FAM117A: variants seen among roughly 807,000 people sequenced by gnomAD.
FAM117A encodes protein FAM117A.
FAM117A carries 21 observed loss-of-function variants against 44.1 expected under a neutral mutation model. The observed-to-expected ratio is 0.48, with a 90% confidence interval of 0.34 to 0.69. The LOEUF (loss-of-function observed/expected upper bound fraction) is 0.69, where lower values mean the gene tolerates loss of function less well. FAM117A is among the 30% of genes least tolerant of loss of function. The probability of loss-of-function intolerance (pLI) is 0.01; values close to 1 mark genes in which losing one functional copy is unlikely to be tolerated. For missense variants in FAM117A, 498 were observed against 589.9 expected, an observed-to-expected ratio of 0.84 and a Z score of 1.61; for synonymous variants, 220 against 238.3, an observed-to-expected ratio of 0.92 and a Z score of 0.71.
At chr17:49,719,483 C>A (rs968566411) in intron 5 of FAM117A, 1 of 302,216 alleles carries the variant, frequency 3.3e-6, no homozygotes, top group South Asian at 8.3e-5. Flanking sequence ...CTGAAGATGA[C>A]CCCTGTCTGT....
chr17:49,735,655 G>C (rs1199661528), intron 1 of FAM117A, among the ~76,000 whole-genome samples: 1 of 152,082 alleles, frequency 6.6e-6, no homozygotes, highest in Non-Finnish European at 1.5e-5. Context: ...TTTTGAGTCA[G>C]GGTCTCACTG....
chr17:49,775,620 C>A (rs2073773554), intron 1 of FAM117A, among the ~76,000 whole-genome samples: 4 of 152,164 alleles, frequency 2.6e-5, no homozygotes, highest in Admixed American at 6.5e-5. Context: ...TGGTTCAATG[C>A]CTCGAGGAGT....
intron 7 of FAM117A, among the ~76,000 whole-genome samples, chr17:49,714,295 C>T (rs995814722): frequency 2.6e-5 from 4 of 151,310 alleles, no homozygotes; most frequent in South Asian, 2.1e-4. Flanking sequence ...ATTTAAATCC[C>T]GGCATATCTT....
intron 1 of FAM117A, among the ~76,000 whole-genome samples, chr17:49,778,439 A>G (rs994220925): frequency 6.6e-6 from 1 of 152,200 alleles, no homozygotes; most frequent in Non-Finnish European, 1.5e-5. Context: ...TATCTCCTTT[A>G]TATTTTCATA....
intron 1 of FAM117A, among the ~76,000 whole-genome samples, chr17:49,758,555 C>A (rs771722582): frequency 1.4e-5 from 2 of 144,366 alleles, no homozygotes; most frequent in Non-Finnish European, 3.0e-5. Context: ...ACCTGGGAGG[C>A]GGAGGTTGCA....
chr17:49,749,345 G>C (rs2073666253), intron 1 of FAM117A, among the ~76,000 whole-genome samples: 1 of 151,990 alleles, frequency 6.6e-6, no homozygotes, highest in Non-Finnish European at 1.5e-5. Flanking sequence ...TGGGAGGCAA[G>C]GTGGGCGGAT....
At chr17:49,766,032 A>G (rs750893552), upstream of FAM117A, among the ~76,000 whole-genome samples, 47 of 152,184 alleles carry the variant, frequency 3.1e-4, no homozygotes, top group Non-Finnish European at 6.5e-4. Context: ...GGTAGCAACG[A>G]ATATTCATTG....
intron 1 of FAM117A, among the ~76,000 whole-genome samples, chr17:49,778,405 G>C (rs7209058): frequency 0.048 from 7,316 of 152,092 alleles, 477 homozygotes; most frequent in African/African-American, 0.15. Flanking sequence ...TTGACTTTTG[G>C]GATTTTGAAA....
intron 1 of FAM117A, among the ~76,000 whole-genome samples, chr17:49,751,950 A>C (rs1180786262): frequency 6.7e-6 from 1 of 149,814 alleles, no homozygotes; most frequent in Admixed American, 6.7e-5. Context: ...TCTCAAAAAA[A>C]AAAAAAAAAA....
chr17:49,764,222 C>G (rs2073736746), upstream of FAM117A: 9 of 434,544 alleles, frequency 2.1e-5, no homozygotes, highest in South Asian at 6.6e-4. Context: ...CTGCGGAAAC[C>G]CAGACCTTCC....
upstream of FAM117A, chr17:49,764,255 G>C (rs2073736915): frequency 5.1e-6 from 2 of 390,828 alleles, no homozygotes; most frequent in Non-Finnish European, 9.1e-6. Context: ...CCACAGCTTA[G>C]CCTTCCCTTT....
intron 1 of FAM117A, among the ~76,000 whole-genome samples, chr17:49,752,391 G>C (rs1210411586): frequency 6.6e-6 from 1 of 152,306 alleles, no homozygotes; most frequent in Non-Finnish European, 1.5e-5. Flanking sequence ...GTAGGGGGAT[G>C]GTTACACCAG....
chr17:49,774,671 C>A (rs1486593998), intron 1 of FAM117A, among the ~76,000 whole-genome samples: 2 of 152,042 alleles, frequency 1.3e-5, no homozygotes, highest in Non-Finnish European at 2.9e-5. Flanking sequence ...TCTGGTATTC[C>A]TTGTCAGCAA....
intron 1 of FAM117A, among the ~76,000 whole-genome samples, chr17:49,772,354 T>C (rs972233720): frequency 6.6e-6 from 1 of 151,622 alleles, no homozygotes; most frequent in African/African-American, 2.4e-5. Flanking sequence ...ATGCCTGTAA[T>C]CCTAGCACTT....
At chr17:49,730,079 A>C (rs1049394104) in intron 2 of FAM117A, among the ~76,000 whole-genome samples, 1 of 152,222 alleles carries the variant, frequency 6.6e-6, no homozygotes, top group African/African-American at 2.4e-5. Flanking sequence ...AGGAATTTGA[A>C]TGGAGCCCAA....
In FAM117A at chr17:49,732,557, G is replaced by A; in HGVS notation, c.360C>T (p.Ala120=). The change falls in exon 2 of 8, where the codon GCC becomes GCT. Residue 120 remains alanine, a synonymous_variant. Transcript: ENST00000240364. ...GAFTCCTNDK[A]TQTPLSWQEL... ...CAGGAGAGAGCTTCATTACCTGGGT[G>A]GCCTTGTCATTGGTGCAGCAGGTGA... 6.2e-7 allele frequency: 1 copy of A among 1,614,084 alleles called. No individual in the cohort carries two copies. The highest frequency in any genetic ancestry group is 8.5e-7 in the Non-Finnish European group (1 of 1,179,980).
chr17:49,720,858 G>T (rs1479946068), intron 3 of FAM117A, among the ~76,000 whole-genome samples: 3 of 151,904 alleles, frequency 2.0e-5, no homozygotes, highest in African/African-American at 7.3e-5. Flanking sequence ...GGGATTACAG[G>T]CACCCACCAT....
chr17:49,749,887 T>C (rs1246135730), intron 1 of FAM117A, among the ~76,000 whole-genome samples: 1 of 148,534 alleles, frequency 6.7e-6, no homozygotes, highest in African/African-American at 2.4e-5. Flanking sequence ...GGTCAATACC[T>C]GGGCTCACAT....
At chr17:49,717,907 C>T (rs774514964) in intron 5 of FAM117A, 193 bp from the exon 6 acceptor site, 72 of 525,542 alleles carry the variant, frequency 1.4e-4, no homozygotes, top group Admixed American at 2.9e-4. Context: ...CTGTTTCTTC[C>T]ATAGCACTTT....
Sources: gnomAD v4.1 joint callset for allele counts (sites outside exome capture counted in the v4.1 genomes callset) on GRCh38, gnomAD v4.1.1 for gene constraint, MANE v1.5 for transcripts, NCBI Gene and HGNC (gene_info 2026-07-23, HGNC 2026-07-21) for gene names.